The following GON4L variants were observed in gnomAD, a reference collection of about 807,000 sequenced individuals.
The protein encoded by GON4L is gon-4 like, also known as GON-4-like protein.
GON4L carries 87 observed loss-of-function variants against 211.8 expected under a neutral mutation model. The ratio of observed to expected loss-of-function variants is 0.41; its 90% CI spans 0.35 to 0.49. The LOEUF (loss-of-function observed/expected upper bound fraction) is 0.49, where lower values mean the gene tolerates loss of function less well. Ranked by LOEUF, GON4L falls within the 20% of genes least tolerant of loss-of-function variation. The pLI, the probability that GON4L is intolerant of heterozygous loss-of-function variation, is 0.15. For missense variants in GON4L, 2,155 were observed against 2,659.5 expected, an observed-to-expected ratio of 0.81 and a Z score of 4.17; for synonymous variants, 875 against 962.6, an observed-to-expected ratio of 0.91 and a Z score of 1.68.
chr1:155,773,231 G>A lies in GON4L; in HGVS notation c.2351-21C>T, dbSNP rs377658752. The A allele has an allele frequency of 1.9e-6, 3 of 1,613,544 alleles. No individual in the cohort carries two copies. In the African/African-American group the frequency reaches 4.0e-5, roughly 22 times the overall value. On this transcript the variant is annotated intron_variant, in intron 17 of 31. Transcript: ENST00000368331. The stretch of plus-strand genomic sequence containing the variant: ...ATTCGCTATAAGAAAATAAATCTCG[G>A]ATAAATCAACTTCTAGGACAAAAGA...
At chr1:155,779,110 T>A (rs1279934605) in intron 14 of GON4L, among the ~76,000 whole-genome samples, 1 of 151,126 alleles carries the variant, frequency 6.6e-6, no homozygotes, top group African/African-American at 2.4e-5. Context: ...AAAAATTAGC[T>A]GGGCGCAGTC....
At position 155,759,830 on chromosome 1, in the gene GON4L, C is replaced by T. The variant is rs1276078431; in HGVS notation, c.5109+614G>A. Reference sequence around the variant, plus strand: ...CGTTACCATACCACAGTGGCCTTCCCAGACCGCTGTGTATAAAACCACCCC... The same window carrying T: ...CGTTACCATACCACAGTGGCCTTCCTAGACCGCTGTGTATAAAACCACCCC... On this transcript the variant is annotated intron_variant, in intron 24 of 31. Coordinates refer to ENST00000368331, the MANE Select transcript of GON4L (RefSeq NM_001282860.2). 6.6e-5 allele frequency among the ~76,000 whole-genome samples: 10 copies of T among 151,564 alleles called. No homozygotes were observed. In the East Asian group the frequency reaches 1.9e-3, roughly 29 times the overall value.
Position 155,777,747 on chromosome 1 carries a change from T to A in GON4L, c.1966A>T (p.Met656Leu), listed in dbSNP as rs563390552. Reference sequence around the variant, plus strand: ...AGCTGTTTGGCTGAAGATTTCTTCATCTTCAGCTGTTCAAATAGCTCCTTC... The same window carrying A: ...AGCTGTTTGGCTGAAGATTTCTTCAACTTCAGCTGTTCAAATAGCTCCTTC... The part of the protein sequence containing the change: ...TVKELFEQLK[M>L]KKSSAKQLQE... The change falls in exon 15 of 32, where the codon ATG (methionine) becomes TTG (leucine). Residue 656 changes from methionine to leucine, a missense_variant. Transcript: ENST00000368331. 2.5e-6 allele frequency: 4 copies of A among 1,613,084 alleles called. No homozygotes were observed. Among genetic ancestry groups the A allele is most frequent in the Non-Finnish European group, 3.4e-6 (4 of 1,179,148 alleles).
At chr1:155,794,580 A>G (rs765810669) in intron 12 of GON4L, among the ~76,000 whole-genome samples, 1 of 152,088 alleles carries the variant, frequency 6.6e-6, no homozygotes, top group Non-Finnish European at 1.5e-5. Context: ...CAAATTTCTT[A>G]TTCCTCCTTC....
intron 19 of GON4L, among the ~76,000 whole-genome samples, chr1:155,770,820 C>A (rs529444031): frequency 1.2e-4 from 19 of 152,094 alleles, no homozygotes; most frequent in Non-Finnish European, 2.6e-4. Context: ...GCCAAGATTG[C>A]GCCACTCTAC....
At chr1:155,748,835 T>C (rs1660354088), downstream of GON4L, 2 of 1,556,746 alleles carry the variant, frequency 1.3e-6, no homozygotes, top group East Asian at 2.3e-5. Context: ...TTTTGTTTCA[T>C]GTCCTTTTCC....
chr1:155,846,824 A>G (rs753440466), intron 2 of GON4L, among the ~76,000 whole-genome samples: 3 of 151,990 alleles, frequency 2.0e-5, no homozygotes, highest in Admixed American at 6.6e-5. Context: ...CAGCCTGGCC[A>G]ACATGGTGAA....
rs1298112624 is a variant in GON4L, at chr1:155,829,955, G to T, written c.506-2927C>A. Among the ~76,000 whole-genome samples, 10 of 144,478 alleles carry T rather than the reference G, an allele frequency of 6.9e-5. 1 individual carries two copies. The South Asian group carries it at 1.1e-3, about 16-fold the overall frequency. The allele number at this position is 144,478 out of a possible 152,430, so 94.8% of individuals were successfully genotyped here. A position where few individuals can be genotyped will look rare whatever the true frequency, so the allele number is the denominator to read the frequency against. ...ATGTGCTTGCAGGGACAGTTTTTTT[G>T]TTTTTTTTTTTTCCAGACAGAGTCT... On this transcript the variant is annotated intron_variant, in intron 2 of 31. Coordinates refer to ENST00000368331, the MANE Select transcript of GON4L (RefSeq NM_001282860.2).
intron 18 of GON4L, among the ~76,000 whole-genome samples, chr1:155,771,980 T>C (rs1663235544): frequency 6.6e-6 from 1 of 152,008 alleles, no homozygotes; most frequent in Non-Finnish European, 1.5e-5. Context: ...CTGGCCAACA[T>C]GGTGAAACCT....
At chr1:155,784,986 A>G in intron 13 of GON4L, 1 of 372,234 alleles carries the variant, frequency 2.7e-6, no homozygotes, top group Non-Finnish European at 5.2e-6. Flanking sequence ...GGTATGTCCC[A>G]GCTACTCAGG....
intron 10 of GON4L, among the ~76,000 whole-genome samples, chr1:155,811,949 G>A (rs1257318321): frequency 6.6e-5 from 10 of 151,506 alleles, no homozygotes; most frequent in African/African-American, 2.4e-4. Context: ...CTACTCAGGA[G>A]GCTAACGCAG....
At chr1:155,784,800 A>G (rs1295672996) in intron 13 of GON4L, 3 of 196,566 alleles carry the variant, frequency 1.5e-5, no homozygotes, top group African/African-American at 7.0e-5. Flanking sequence ...ACACCAAATG[A>G]CAGTAGGGGA....
At chr1:155,748,018 TG>T, downstream of GON4L, 1 of 1,606,748 alleles carries the variant, frequency 6.2e-7, no homozygotes, top group Non-Finnish European at 8.5e-7. Context: ...ACACAGCTTT[TG>T]GTCTCGTGCA....
At chr1:155,788,749 T>A (rs1665206163) in intron 12 of GON4L, among the ~76,000 whole-genome samples, 1 of 152,102 alleles carries the variant, frequency 6.6e-6, no homozygotes, top group South Asian at 2.1e-4. Context: ...ACATCCTATA[T>A]GATTCCATTT....
intron 14 of GON4L, among the ~76,000 whole-genome samples, chr1:155,783,119 T>C (rs1664590480): frequency 1.3e-5 from 2 of 152,224 alleles, no homozygotes; most frequent in African/African-American, 4.8e-5. Context: ...GGTCAAATAC[T>C]GACTTAGCAA....
In GON4L at chr1:155,750,545, C is replaced by G. The variant is rs1312660187; in HGVS notation, c.*39G>C. 6.4e-7 allele frequency: 1 copy of G among 1,558,134 alleles called. No individual in the cohort carries two copies. ...CTACCCCCTCCCCGGTGCCAGGGCG[C>G]CTGTTGGGTTTGGTCCTGTGTAGAT... On this transcript the variant is annotated 3_prime_UTR_variant, in exon 32 of 32. Coordinates refer to ENST00000368331, the MANE Select transcript of GON4L (RefSeq NM_001282860.2).
At chr1:155,858,034 G>T (rs1399627877), upstream of GON4L, among the ~76,000 whole-genome samples, 1 of 152,124 alleles carries the variant, frequency 6.6e-6, no homozygotes, top group Non-Finnish European at 1.5e-5. Flanking sequence ...ATCTGAGTAG[G>T]TGATTTCACA....
chr1:155,789,218 TAC>T (rs1206806514), intron 12 of GON4L, among the ~76,000 whole-genome samples: 2 of 152,140 alleles, frequency 1.3e-5, no homozygotes, highest in Non-Finnish European at 2.9e-5. Context: ...GTCACATAGG[TAC>T]ACACATGTCA....
chr1:155,853,386 T>C lies in GON4L; in HGVS notation c.395A>G (p.Lys132Arg). Residue 132 changes from lysine (K) to arginine (R), a missense_variant, in exon 2 of 32, where the codon AAA (lysine) becomes AGA (arginine). By Grantham distance (26) the Lys-to-Arg change is conservative. Around this residue, in one of 6 missense-constraint regions of GON4L, gnomAD observed 313 missense variants for 293.2 expected, o/e 1.07. Coordinates refer to ENST00000368331, the MANE Select transcript of GON4L (RefSeq NM_001282860.2). ...TGGCCCAGGCCTGAGTGTCATTTTT[T>C]TCCCTCTCTTTGAGCCAGTAGCGTG... ...KLHATGSKRGKKMTLRPGPVT... is the reference protein window; with the variant it reads ...KLHATGSKRGRKMTLRPGPVT... The C allele has an allele frequency of 6.2e-7, 1 of 1,614,216 alleles. No homozygotes were observed. The highest frequency in any genetic ancestry group is 8.5e-7 in the Non-Finnish European group (1 of 1,180,022).
Sources: gnomAD v4.1 joint callset for allele counts (sites outside exome capture counted in the v4.1 genomes callset) on GRCh38, gnomAD v4.1.1 for gene constraint, gnomAD v4.1.1 regional missense constraint, MANE v1.5 for transcripts, NCBI Gene and HGNC (gene_info 2026-07-23, HGNC 2026-07-21) for gene names.